Variants in FARS2 observed in about 807,000 individuals in gnomAD.
FARS2 encodes phenylalanyl-tRNA synthetase 2, mitochondrial.
In FARS2, 40 loss-of-function variants were observed where a neutral mutation model predicts 46.4. That is an observed-to-expected ratio of 0.86 (90% CI 0.67 to 1.12). FARS2 has a LOEUF of 1.12. Ranked by LOEUF, FARS2 falls within the 50% of genes most tolerant of loss-of-function variation. The pLI, the probability that FARS2 is intolerant of heterozygous loss-of-function variation, is 0.00. For missense variants in FARS2, 513 were observed against 567.9 expected (o/e 0.90, Z 0.98); for synonymous variants, 234 against 214.9 (o/e 1.09, Z -0.78).
At chr6:5,636,326 G>A (rs1007401825) in intron 6 of FARS2, among the ~76,000 whole-genome samples, 1 of 152,160 alleles carries the variant, frequency 6.6e-6, no homozygotes, top group Non-Finnish European at 1.5e-5. Context: ...GTGTACGGTC[G>A]CTGTCTGGGG....
At chr6:5,641,549 G>A (rs779702770) in intron 6 of FARS2, among the ~76,000 whole-genome samples, 13 of 152,044 alleles carry the variant, frequency 8.6e-5, no homozygotes, top group South Asian at 2.1e-4. Context: ...TGCCCACCTC[G>A]CCTTCACAAA....
chr6:5,511,269 AG>A (rs2150403346), intron 4 of FARS2, among the ~76,000 whole-genome samples: 1 of 152,342 alleles, frequency 6.6e-6, no homozygotes, highest in African/African-American at 2.4e-5. Flanking sequence ...GAAAATGAGG[AG>A]AAGGAAAGCA....
At position 5,727,040 on chromosome 6, in the gene FARS2, C is replaced by G. The variant is rs1185851757; in HGVS notation, c.1218-44251C>G. Among the ~76,000 whole-genome samples, 2 of 152,250 alleles carry G rather than the reference C, an allele frequency of 1.3e-5. No individual in the cohort carries two copies. ...TATGGCCTTGGGTCAGATACTTGGC[C>G]TCATTGAGCTTCACTTCCACCGTCT... On this transcript the variant is annotated intron_variant, in intron 6 of 6. Transcript: ENST00000274680. This position sits in a 1 kb window ranked among gnomAD's most constrained non-coding sequence, Gnocchi z 4.1.
chr6:5,648,358 C>A (rs910492314), intron 6 of FARS2, among the ~76,000 whole-genome samples: 4 of 152,182 alleles, frequency 2.6e-5, no homozygotes, highest in Admixed American at 2.0e-4. Context: ...AATACAGGGT[C>A]CCCCCAGATC....
chr6:5,625,392 T>C (rs184629148), intron 6 of FARS2, among the ~76,000 whole-genome samples: 107 of 152,246 alleles, frequency 7.0e-4, no homozygotes, highest in African/African-American at 2.3e-3. Flanking sequence ...AGCTCCCATG[T>C]CTCTTGTGCT....
At chr6:5,633,725 G>GC (rs1776409958) in intron 6 of FARS2, among the ~76,000 whole-genome samples, 1 of 151,904 alleles carries the variant, frequency 6.6e-6, no homozygotes, top group South Asian at 2.1e-4. Context: ...ATAGCTATTT[G>GC]CATCTATTTA....
chr6:5,601,496 C>T (rs1774511718), intron 5 of FARS2, among the ~76,000 whole-genome samples: 1 of 139,466 alleles, frequency 7.2e-6, no homozygotes, highest in South Asian at 2.3e-4. Context: ...TGCACTCCAG[C>T]CTGGGCAACG....
chr6:5,534,812 TACAC>T (rs1230762787), intron 4 of FARS2, among the ~76,000 whole-genome samples: 3 of 144,324 alleles, frequency 2.1e-5, no homozygotes, highest in African/African-American at 7.5e-5. Context: ...CACATATGTA[TACAC>T]ACACATGCAC....
chr6:5,612,521 A>G (rs1279822941), intron 5 of FARS2, among the ~76,000 whole-genome samples: 3 of 152,228 alleles, frequency 2.0e-5, no homozygotes, highest in Non-Finnish European at 4.4e-5. Context: ...AAACAAATAC[A>G]GTAACTTCTA....
intron 4 of FARS2, among the ~76,000 whole-genome samples, chr6:5,472,241 G>C (rs760358812): frequency 5.3e-5 from 8 of 152,178 alleles, no homozygotes; most frequent in Non-Finnish European, 1.0e-4. Flanking sequence ...GGCACGCTGG[G>C]ATTTGTCTGC....
chr6:5,672,872 G>A lies in FARS2; in HGVS notation c.1217+59552G>A, dbSNP rs377754242. Among the ~76,000 whole-genome samples, 1,221 of 152,190 alleles carry A rather than the reference G, an allele frequency of 8.0e-3. 7 individuals carry two copies. The highest frequency in any genetic ancestry group is 0.012 in the Non-Finnish European group (834 of 68,016). On this transcript the variant is annotated intron_variant, in intron 6 of 6. Transcript: ENST00000274680. Reference sequence around the variant, plus strand: ...TGTATTTTGCCTTTGGATTAGAAACGCCTTTGAGTGGTGAGAGTAATGGGA... The same window carrying A: ...TGTATTTTGCCTTTGGATTAGAAACACCTTTGAGTGGTGAGAGTAATGGGA...
intron 6 of FARS2, among the ~76,000 whole-genome samples, chr6:5,631,456 T>C (rs1022102785): frequency 5.9e-5 from 9 of 152,188 alleles, no homozygotes; most frequent in East Asian, 3.8e-4. Context: ...TAATAGTTAA[T>C]AGAAAAACAA....
At chr6:5,298,316 G>T (rs773458970) in intron 1 of FARS2, among the ~76,000 whole-genome samples, 8 of 152,124 alleles carry the variant, frequency 5.3e-5, no homozygotes, top group Admixed American at 1.3e-4. Context: ...CTGCCTCATC[G>T]GGGTTGCATT....
chr6:5,260,566 C>T, upstream of FARS2: 6 of 1,509,936 alleles, frequency 4.0e-6, no homozygotes, highest in Middle Eastern at 2.3e-4. Context: ...TCCCAGTCCC[C>T]GGGGATATTC....
chr6:5,289,405 C>T (rs1490045566), intron 1 of FARS2, among the ~76,000 whole-genome samples: 1 of 152,192 alleles, frequency 6.6e-6, no homozygotes, highest in East Asian at 1.9e-4. Context: ...TTTGAAAGTA[C>T]ATGCCACAGA....
intron 6 of FARS2, among the ~76,000 whole-genome samples, chr6:5,688,555 T>G (rs568966530): frequency 6.6e-6 from 1 of 152,340 alleles, no homozygotes; most frequent in South Asian, 2.1e-4. Context: ...TGAAGCCCAC[T>G]TGATCATGGT....
chr6:5,545,398 C>T lies in FARS2; in HGVS notation c.1065+58C>T. ...AATAAAAATGGCTGTCAAGGATCGA[C>T]AGGATCATGTACTTGAAAGCCACTG... On this transcript the variant is annotated intron_variant, in intron 5 of 6. Coordinates refer to ENST00000274680, the MANE Select transcript of FARS2 (RefSeq NM_006567.5). 3.1e-6 allele frequency: 4 copies of T among 1,310,346 alleles called. No individual in the cohort carries two copies. The South Asian group carries it at 4.0e-5, about 13-fold the overall frequency. 81.2% of individuals were successfully genotyped at this position (1,310,346 alleles called of 1,614,324 possible). A position where few individuals can be genotyped will look rare whatever the true frequency, so the allele number is the denominator to read the frequency against.
intron 4 of FARS2, among the ~76,000 whole-genome samples, chr6:5,483,127 C>T (rs571230728): frequency 1.1e-4 from 17 of 152,254 alleles, no homozygotes; most frequent in African/African-American, 3.9e-4. Flanking sequence ...GATAGATACC[C>T]CAAACTGCTG....
At chr6:5,432,821 G>A (rs1730930563) in intron 4 of FARS2, among the ~76,000 whole-genome samples, 1 of 152,126 alleles carries the variant, frequency 6.6e-6, no homozygotes, top group Non-Finnish European at 1.5e-5. Context: ...ATCTGGTCAT[G>A]GGCTTGGAAA....
Sources: gnomAD v4.1 joint callset for allele counts (sites outside exome capture counted in the v4.1 genomes callset) on GRCh38, gnomAD v4.1.1 for gene constraint, Gnocchi (gnomAD v3.1) non-coding constraint, MANE v1.5 for transcripts, NCBI Gene and HGNC (gene_info 2026-07-23, HGNC 2026-07-21) for gene names.